ROBO3: variants seen among roughly 807,000 people sequenced by gnomAD.
The protein encoded by ROBO3 is roundabout guidance receptor 3, also known as roundabout homolog 3.
In ROBO3, 97 loss-of-function variants were observed where a neutral mutation model predicts 160.5. The ratio of observed to expected loss-of-function variants is 0.60; its 90% CI spans 0.51 to 0.72. The LOEUF (loss-of-function observed/expected upper bound fraction) is 0.72, where lower values mean the gene tolerates loss of function less well. ROBO3 is among the 30% of genes least tolerant of loss of function. The pLI, the probability that ROBO3 is intolerant of heterozygous loss-of-function variation, is 0.00. For missense variants in ROBO3, 1,858 were observed against 1,846.5 expected (o/e 1.01, Z -0.11); for synonymous variants, 780 against 746.2 (o/e 1.05, Z -0.74).
In ROBO3 at chr11:124,869,431, C is replaced by CT. The variant is rs747023232; in HGVS notation, c.488-19_488-18insT. 1 of 1,303,870 alleles carries CT rather than the reference C, an allele frequency of 7.7e-7. No individual in the cohort carries two copies. The highest frequency in any genetic ancestry group is 1.1e-6 in the Non-Finnish European group (1 of 925,694). 80.8% of individuals were successfully genotyped at this position (1,303,870 alleles called of 1,614,324 possible). A position where few individuals can be genotyped will look rare whatever the true frequency, so the allele number is the denominator to read the frequency against. On this transcript the variant is annotated intron_variant, in intron 2 of 27. Transcript: ENST00000397801. This position sits in a 1 kb window ranked among gnomAD's most constrained non-coding sequence, Gnocchi z 4.2. Reference sequence around the variant, plus strand: ...TCACTCTACACCCTGCTTATTTCGCCCCCCACCGCCCCGCCCAGTCCTCCG... The same window carrying CT: ...TCACTCTACACCCTGCTTATTTCGCCTCCCCACCGCCCCGCCCAGTCCTCCG...
chr11:124,869,921 A>T lies in ROBO3; in HGVS notation c.646-27A>T. 1 of 1,571,892 alleles carries T rather than the reference A, an allele frequency of 6.4e-7. No individual in the cohort carries two copies. The highest frequency in any genetic ancestry group is 8.6e-7 in the Non-Finnish European group (1 of 1,158,592). On this transcript the variant is annotated intron_variant, in intron 3 of 27. Coordinates refer to ENST00000397801, the MANE Select transcript of ROBO3 (RefSeq NM_022370.4). The surrounding 1 kb of genome is among the most constrained non-coding windows in gnomAD (Gnocchi z 4.2). The stretch of plus-strand genomic sequence containing the variant: ...ATATACGCTGTGATAGCTGAAATGG[A>T]CCAAAGTTACCATTATTGCTCTGCA...
In ROBO3 at chr11:124,869,529, C is replaced by T. The variant is rs188191103; in HGVS notation, c.567C>T (p.Pro189=). 2.1e-4 allele frequency: 330 copies of T among 1,561,922 alleles called. 7 individuals carry two copies. In the Admixed American group the frequency reaches 5.7e-3, roughly 27 times the overall value. The change falls in exon 3 of 28, where the codon CCC becomes CCT. Residue 189 remains proline (P), a synonymous_variant. Coordinates refer to ENST00000397801, the MANE Select transcript of ROBO3 (RefSeq NM_022370.4). This position sits in a 1 kb window ranked among gnomAD's most constrained non-coding sequence, Gnocchi z 4.2. The stretch of plus-strand genomic sequence containing the variant: ...AGCCAGCAGTACTGGAATGCGTGCC[C>T]CCCCGCGGCCACCCGGAGCCTTCCG... The part of the protein sequence containing the change: ...VGEPAVLECV[P]PRGHPEPSVS...
rs1177477027 is a variant in ROBO3, at chr11:124,873,434, C to T, written c.1618+43C>T. 1 of 1,520,822 alleles carries T rather than the reference C, an allele frequency of 6.6e-7. No individual in the cohort carries two copies. The highest frequency in any genetic ancestry group is 1.4e-5 in the African/African-American group (1 of 72,958). 94.2% of individuals were successfully genotyped at this position (1,520,822 alleles called of 1,614,324 possible). A position where few individuals can be genotyped will look rare whatever the true frequency, so the allele number is the denominator to read the frequency against. Reference sequence around the variant, plus strand: ...TCCCTTATTTTGATAATACCTTCCTCCAAACCTGCTTCAACAGGTAGTCGA... The same window carrying T: ...TCCCTTATTTTGATAATACCTTCCTTCAAACCTGCTTCAACAGGTAGTCGA... On this transcript the variant is annotated intron_variant, in intron 10 of 27. Transcript: ENST00000397801. The surrounding 1 kb of genome is among the most constrained non-coding windows in gnomAD (Gnocchi z 4.5).
Position 124,869,006 on chromosome 11 carries a change from C to T in ROBO3, c.365C>T (p.Ala122Val). 1 of 1,599,762 alleles carries T rather than the reference C, an allele frequency of 6.3e-7. No homozygotes were observed. The highest frequency in any genetic ancestry group is 8.5e-7 in the Non-Finnish European group (1 of 1,174,122). Reference protein sequence around the residue: ...RAHRLLLPSGALFFPRIVHGR... With the variant: ...RAHRLLLPSGVLFFPRIVHGR... ...CACCGCCTGCTGCTGCCCAGCGGCG[C>T]CCTCTTCTTCCCGCGCATCGTGCAC... Residue 122 changes from alanine to valine, a missense_variant, in exon 2 of 28, where the codon GCC becomes GTC. Coordinates refer to ENST00000397801, the MANE Select transcript of ROBO3 (RefSeq NM_022370.4). This position sits in a 1 kb window ranked among gnomAD's most constrained non-coding sequence, Gnocchi z 4.2.
chr11:124,867,647 C>T (rs1324762364), intron 1 of ROBO3, among the ~76,000 whole-genome samples: 1 of 152,132 alleles, frequency 6.6e-6, no homozygotes, highest in Non-Finnish European at 1.5e-5. Flanking sequence ...AAACTCAGAA[C>T]AGCGCCAGCA....
rs937018020 is a variant in ROBO3 at position 124,865,864 on chromosome 11, C to T, written c.160+127C>T. On this transcript the variant is annotated intron_variant, in intron 1 of 27. Transcript: ENST00000397801. This position sits in a 1 kb window ranked among gnomAD's most constrained non-coding sequence, Gnocchi z 5.5. ...TTGAGTGGCGCCTCCCAGCGCCTCCCTGGGTCGTGGGGTCTAAGGGATAAT... is the reference window on the plus strand; with the variant it reads ...TTGAGTGGCGCCTCCCAGCGCCTCCTTGGGTCGTGGGGTCTAAGGGATAAT... The T allele has an allele frequency of 1.8e-6, 2 of 1,126,998 alleles. No homozygotes were observed. The highest frequency in any genetic ancestry group is 5.3e-5 in the Admixed American group (2 of 37,884). 69.8% of individuals were successfully genotyped at this position (1,126,998 alleles called of 1,614,324 possible).
In ROBO3 at chr11:124,875,893, G is replaced by GT. The variant is rs1030637803; in HGVS notation, c.2422-58dup. ...GCTTCTCTACCATTTGGAGCCTTAA[G>GT]TTTCCCGGTGAGGCTAAGAATCCCA... On this transcript the variant is annotated intron_variant, in intron 15 of 27. Transcript: ENST00000397801. 19 of 1,550,008 alleles carry GT rather than the reference G, an allele frequency of 1.2e-5. No homozygotes were observed. In the African/African-American group the frequency reaches 2.3e-4, roughly 19 times the overall value.
chr11:124,877,741 G>C lies in ROBO3; in HGVS notation c.2986+83G>C, dbSNP rs750306397. 10 of 1,538,048 alleles carry C rather than the reference G, an allele frequency of 6.5e-6. No homozygotes were observed. The East Asian group carries it at 9.6e-5, about 15-fold the overall frequency. On this transcript the variant is annotated intron_variant, in intron 20 of 27. Coordinates refer to ENST00000397801, the MANE Select transcript of ROBO3 (RefSeq NM_022370.4). The stretch of plus-strand genomic sequence containing the variant: ...CAAACCGAAGGGCGCCCGGGAGCCC[G>C]GTCTCTCTGAGGTTGGTCAGTCCCT...
At position 124,875,178 on chromosome 11, in the gene ROBO3, G is replaced by A. The variant is rs1239819632; in HGVS notation, c.2141G>A (p.Gly714Glu). ...TGGAGGGTAGCAGGCCCTGAGGGAG[G>A]AAGCTGGACAATGTTGGACCTACAG... ...VSWRVAGPEG[G>E]SWTMLDLQSP... is the part of the protein sequence containing the mutation. Residue 714 changes from glycine to glutamate, a missense_variant, in exon 14 of 28, where the codon GGA (glycine) becomes GAA (glutamate). Gly to Glu is a moderately conservative substitution (Grantham distance 98). Transcript: ENST00000397801. 3.1e-6 allele frequency: 5 copies of A among 1,613,646 alleles called. No individual in the cohort carries two copies. The highest frequency in any genetic ancestry group is 1.3e-5 in the African/African-American group (1 of 74,920).
chr11:124,876,469 C>CCGGCCTCGGAG lies in ROBO3; in HGVS notation c.2779+13_2779+23dup. The CCGGCCTCGGAG allele has an allele frequency of 7.2e-7, 1 of 1,382,018 alleles. No individual in the cohort carries two copies. The allele number at this position is 1,382,018 out of a possible 1,614,324, so 85.6% of individuals were successfully genotyped here. A position where few individuals can be genotyped will look rare whatever the true frequency, so the allele number is the denominator to read the frequency against. On this transcript the variant is annotated intron_variant, in intron 17 of 27. Coordinates refer to ENST00000397801, the MANE Select transcript of ROBO3 (RefSeq NM_022370.4). This position sits in a 1 kb window ranked among gnomAD's most constrained non-coding sequence, Gnocchi z 5.3. ...GCTCAGCCACTACACGGGTGAGCTCCCGGCCTCGGAGCGGACGGATCCGGG... is the reference window on the plus strand; with the variant it reads ...GCTCAGCCACTACACGGGTGAGCTCCCGGCCTCGGAGCGGCCTCGGAGCGGACGGATCCGGG...
Position 124,873,256 on chromosome 11 carries a change from C to G in ROBO3, c.1537-54C>G. On this transcript the variant is annotated intron_variant, in intron 9 of 27. Coordinates refer to ENST00000397801, the MANE Select transcript of ROBO3 (RefSeq NM_022370.4). This position sits in a 1 kb window ranked among gnomAD's most constrained non-coding sequence, Gnocchi z 4.5. ...TCCTTCTGCTACCCGCCTCCACCCC[C>G]TCACTGGATCTTGCTCCACTCTCAG... 1.3e-6 allele frequency: 2 copies of G among 1,526,014 alleles called. No homozygotes were observed. The highest frequency in any genetic ancestry group is 1.8e-6 in the Non-Finnish European group (2 of 1,116,036). 94.5% of individuals were successfully genotyped at this position (1,526,014 alleles called of 1,614,324 possible).
intron 1 of ROBO3, chr11:124,868,461 G>C: frequency 1.7e-6 from 1 of 585,958 alleles, no homozygotes; most frequent in Non-Finnish European, 3.0e-6. Flanking sequence ...GCGAGGGAGC[G>C]GTCTACTCGC....
Position 124,865,837 on chromosome 11 carries a change from G to A in ROBO3, c.160+100G>A, listed in dbSNP as rs1946189142. The A allele has an allele frequency of 1.5e-6, 2 of 1,339,734 alleles. No homozygotes were observed. Among genetic ancestry groups the A allele is most frequent in the Middle Eastern group, 2.4e-4 (1 of 4,118 alleles). The allele number at this position is 1,339,734 out of a possible 1,614,324, so 83.0% of individuals were successfully genotyped here. The stretch of plus-strand genomic sequence containing the variant: ...GAAGCGCTCCTGTCCCGAGGTCCGG[G>A]ATTGAGTGGCGCCTCCCAGCGCCTC... On this transcript the variant is annotated intron_variant, in intron 1 of 27. Coordinates refer to ENST00000397801, the MANE Select transcript of ROBO3 (RefSeq NM_022370.4). The surrounding 1 kb of genome is among the most constrained non-coding windows in gnomAD (Gnocchi z 5.5).
At chr11:124,880,017 G>C in intron 26 of ROBO3, 69 bp downstream of exon 26, 1 of 1,418,968 alleles carries the variant, frequency 7.0e-7, no homozygotes, top group Non-Finnish European at 9.4e-7. Flanking sequence ...ACTGGGGGCT[G>C]ATAGTAGACC....
At position 124,875,194 on chromosome 11, in the gene ROBO3, G is replaced by A; in HGVS notation, c.2157G>A (p.Leu719=). The change falls in exon 14 of 28, where the codon TTG becomes TTA. Residue 719 remains leucine, a synonymous_variant. Coordinates refer to ENST00000397801, the MANE Select transcript of ROBO3 (RefSeq NM_022370.4). ...AGPEGGSWTM[L]DLQSPSQQST... ...CTGAGGGAGGAAGCTGGACAATGTT[G>A]GACCTACAGTCCCCAAGCCAGCAAA... 1 of 1,613,846 alleles carries A rather than the reference G, an allele frequency of 6.2e-7. No individual in the cohort carries two copies. Among genetic ancestry groups the A allele is most frequent in the Non-Finnish European group, 8.5e-7 (1 of 1,179,874 alleles).
In ROBO3 at chr11:124,871,029, T is replaced by G; in HGVS notation, c.1049T>G (p.Val350Gly). ...SLSVHVPPQL[V>G]TQPQDQMAAP... ...CCCTTCCCAGTCCCACCCCAGTTGGTGACCCAGCCCCAGGACCAGATGGCA... is the reference window on the plus strand; with the variant it reads ...CCCTTCCCAGTCCCACCCCAGTTGGGGACCCAGCCCCAGGACCAGATGGCA... The change falls in exon 7 of 28, where the codon GTG becomes GGG. Residue 350 changes from valine (V) to glycine (G), a missense_variant. Physicochemically the swap from Val to Gly is moderately radical, Grantham distance 109. Transcript: ENST00000397801. 3 of 1,607,302 alleles carry G rather than the reference T, an allele frequency of 1.9e-6. No homozygotes were observed. Among genetic ancestry groups the G allele is most frequent in the Non-Finnish European group, 2.6e-6 (3 of 1,174,414 alleles).
At chr11:124,875,482 C>A in intron 14 of ROBO3, 82 bp from the exon 15 acceptor site, 1 of 1,587,338 alleles carries the variant, frequency 6.3e-7, no homozygotes, top group Non-Finnish European at 8.6e-7. Context: ...GATGTTAGAA[C>A]AGGGAGGGGG....
intron 1 of ROBO3, among the ~76,000 whole-genome samples, chr11:124,867,832 C>T (rs898431589): frequency 1.3e-5 from 2 of 152,008 alleles, no homozygotes; most frequent in Non-Finnish European, 2.9e-5. Context: ...TGAAGTGGTC[C>T]CTGGTTATTT....
chr11:124,880,673 T>C (rs2135351794), intron 27 of ROBO3, 65 bp downstream of exon 27: 1 of 1,451,834 alleles, frequency 6.9e-7, no homozygotes, highest in Middle Eastern at 1.8e-4. Flanking sequence ...CAAGGCGTAA[T>C]GGAAAACAGG....
Sources: gnomAD v4.1 joint callset for allele counts (sites outside exome capture counted in the v4.1 genomes callset) on GRCh38, gnomAD v4.1.1 for gene constraint, Gnocchi (gnomAD v3.1) non-coding constraint, MANE v1.5 for transcripts, NCBI Gene and HGNC (gene_info 2026-07-23, HGNC 2026-07-21) for gene names.